E2F5: variants seen among roughly 807,000 people sequenced by gnomAD.
E2F5 encodes transcription factor E2F5.
A neutral mutation model predicts 39.1 loss-of-function variants in E2F5; 23 were observed. That is an observed-to-expected ratio of 0.59 (90% CI 0.42 to 0.83). The LOEUF (loss-of-function observed/expected upper bound fraction) is 0.83, where lower values mean the gene tolerates loss of function less well. E2F5 is among the 40% of genes least tolerant of loss of function. The pLI is 0.00. For missense variants in E2F5, 365 were observed against 406.7 expected (o/e 0.90, Z 0.88); for synonymous variants, 145 against 157.8 (o/e 0.92, Z 0.61).
chr8:85,184,129 A>G lies in E2F5; in HGVS notation c.234+6475A>G, dbSNP rs1812277395. Among the ~76,000 whole-genome samples the G allele has an allele frequency of 2.0e-5, 3 of 152,174 alleles. 1 individual carries two copies. In the South Asian group the frequency reaches 6.2e-4, roughly 32 times the overall value. On this transcript the variant is annotated intron_variant, in intron 1 of 7. Coordinates refer to ENST00000416274, the MANE Select transcript of E2F5 (RefSeq NM_001951.4). ...ACGTCGATGCAAAAATCCTCAATAA[A>G]ATACTGCAGACCAAATCCAGCAGCA...
chr8:85,201,153 C>T (rs944551880), intron 1 of E2F5, among the ~76,000 whole-genome samples: 3 of 152,182 alleles, frequency 2.0e-5, no homozygotes, highest in Non-Finnish European at 2.9e-5. Flanking sequence ...AAACACTGTG[C>T]TGAGCTAGGT....
At chr8:85,188,762 G>A (rs1225362742) in intron 1 of E2F5, among the ~76,000 whole-genome samples, 1 of 152,152 alleles carries the variant, frequency 6.6e-6, no homozygotes, top group African/African-American at 2.4e-5. Context: ...TGGGGTTGTG[G>A]TGGTCTCACC....
intron 3 of E2F5, among the ~76,000 whole-genome samples, chr8:85,203,682 G>A (rs575187025): frequency 6.6e-6 from 1 of 151,668 alleles, no homozygotes; most frequent in South Asian, 2.1e-4. Context: ...GAGATATGAT[G>A]TGTCCACAAT....
intron 1 of E2F5, among the ~76,000 whole-genome samples, chr8:85,190,321 G>A (rs1276827465): frequency 1.3e-5 from 2 of 151,246 alleles, no homozygotes; most frequent in East Asian, 1.9e-4. Flanking sequence ...TCTCCAAACC[G>A]TCTGGTCTTA....
At chr8:85,200,255 A>G in intron 1 of E2F5, 1 of 952,676 alleles carries the variant, frequency 1.0e-6, no homozygotes, top group Non-Finnish European at 1.2e-6. Flanking sequence ...TCAAAAAAAA[A>G]AAAGAATGAT....
chr8:85,193,760 C>T (rs1207929239), intron 1 of E2F5, among the ~76,000 whole-genome samples: 1 of 152,206 alleles, frequency 6.6e-6, no homozygotes, highest in African/African-American at 2.4e-5. Context: ...TAGCTTCTTT[C>T]ACTTGGCATG....
chr8:85,184,423 A>G (rs1812283620), intron 1 of E2F5, among the ~76,000 whole-genome samples: 2 of 152,358 alleles, frequency 1.3e-5, no homozygotes, highest in Middle Eastern at 3.4e-3. Flanking sequence ...TGAATGGACA[A>G]AAACTGGAAG....
chr8:85,207,211 T>C (rs1187982751), intron 4 of E2F5, among the ~76,000 whole-genome samples: 1 of 152,216 alleles, frequency 6.6e-6, no homozygotes, highest in Non-Finnish European at 1.5e-5. Flanking sequence ...CTAACCCATG[T>C]ATAATACTAA....
chr8:85,177,836 C>A, intron 1 of E2F5, 182 bp downstream of exon 1: 1 of 1,062,900 alleles, frequency 9.4e-7, no homozygotes, highest in Non-Finnish European at 1.2e-6. Flanking sequence ...GGGGGAGGGA[C>A]GAGGGACCAG....
chr8:85,181,561 G>A (rs781246171), intron 1 of E2F5, among the ~76,000 whole-genome samples: 21 of 145,994 alleles, frequency 1.4e-4, no homozygotes, highest in Non-Finnish European at 3.0e-4. Context: ...GAATGGTCTC[G>A]ATCTTCTGAC....
chr8:85,211,399 T>C (rs1369740297), intron 6 of E2F5, among the ~76,000 whole-genome samples: 1 of 151,724 alleles, frequency 6.6e-6, no homozygotes, highest in African/African-American at 2.4e-5. Context: ...CGAGATCCTG[T>C]CTCAAAATAA....
In E2F5 at chr8:85,185,862, G is replaced by T. The variant is rs547681113; in HGVS notation, c.234+8208G>T. 7.9e-4 allele frequency among the ~76,000 whole-genome samples: 120 copies of T among 152,344 alleles called. 1 individual carries two copies. Among genetic ancestry groups the T allele is most frequent in the Non-Finnish European group, 1.4e-3 (95 of 68,034 alleles). On this transcript the variant is annotated intron_variant, in intron 1 of 7. Transcript: ENST00000416274. ...ATCATTAAAAAGTCAGGAAACAACAGATGTTGGAGAGGATGTGGAGAATTA... is the reference window on the plus strand; with the variant it reads ...ATCATTAAAAAGTCAGGAAACAACATATGTTGGAGAGGATGTGGAGAATTA...
Position 85,212,163 on chromosome 8 carries a change from C to T in E2F5, c.890C>T (p.Ser297Phe). Reference sequence around the variant, plus strand: ...ACTTTATTACTGTTTCCAGCAGGATCTATTAGTGGAGATATCATTGATGAG... The same window carrying T: ...ACTTTATTACTGTTTCCAGCAGGATTTATTAGTGGAGATATCATTGATGAG... ...TSATDISSAG[S>F]ISGDIIDELM... The change falls in exon 7 of 8, where the codon TCT becomes TTT. Residue 297 changes from serine to phenylalanine, a missense_variant. By Grantham distance (155) the Ser-to-Phe change is radical. Transcript: ENST00000416274. 6.2e-7 allele frequency: 1 copy of T among 1,609,460 alleles called. No homozygotes were observed. The highest frequency in any genetic ancestry group is 8.5e-7 in the Non-Finnish European group (1 of 1,177,410).
At chr8:85,179,853 G>C (rs566138679) in intron 1 of E2F5, among the ~76,000 whole-genome samples, 13 of 152,002 alleles carry the variant, frequency 8.6e-5, no homozygotes, top group Admixed American at 3.9e-4. Context: ...GTAGAGACAG[G>C]GTTTCACTGT....
In E2F5 at chr8:85,179,852, G is replaced by C. The variant is rs1391192190; in HGVS notation, c.234+2198G>C. Among the ~76,000 whole-genome samples, 2 of 151,986 alleles carry C rather than the reference G, an allele frequency of 1.3e-5. 1 individual carries two copies. On this transcript the variant is annotated intron_variant, in intron 1 of 7. Coordinates refer to ENST00000416274, the MANE Select transcript of E2F5 (RefSeq NM_001951.4). ...TTTTTTTGTAATTTTAGTAGAGACA[G>C]GGTTTCACTGTGTTAGCTAGGATGG...
At chr8:85,189,345 T>G (rs1222247281) in intron 1 of E2F5, among the ~76,000 whole-genome samples, 1 of 152,090 alleles carries the variant, frequency 6.6e-6, no homozygotes, top group Non-Finnish European at 1.5e-5. Flanking sequence ...ATAGCTGAGA[T>G]CAAATGTTTA....
At chr8:85,207,892 C>T (rs1476277177) in intron 5 of E2F5, among the ~76,000 whole-genome samples, 1 of 152,070 alleles carries the variant, frequency 6.6e-6, no homozygotes, top group Non-Finnish European at 1.5e-5. Flanking sequence ...GGTCCTATCC[C>T]TAAGATATCT....
chr8:85,179,611 T>C (rs1264613627), intron 1 of E2F5, among the ~76,000 whole-genome samples: 2 of 152,050 alleles, frequency 1.3e-5, no homozygotes, highest in Non-Finnish European at 2.9e-5. Flanking sequence ...GTTTTATGTA[T>C]TTTACGTATA....
intron 1 of E2F5, among the ~76,000 whole-genome samples, chr8:85,182,687 A>G (rs763761215): frequency 3.3e-5 from 5 of 152,226 alleles, no homozygotes; most frequent in Non-Finnish European, 7.3e-5. Context: ...AGTCATGACT[A>G]TGTATCTGTA....
Sources: allele counts gnomAD v4.1 joint callset (sites outside exome capture counted in the v4.1 genomes callset), GRCh38; gene constraint gnomAD v4.1.1; transcripts MANE v1.5; gene names NCBI Gene and HGNC (gene_info 2026-07-23, HGNC 2026-07-21).